CCDC40: variants seen among roughly 807,000 people sequenced by gnomAD.
CCDC40 encodes coiled-coil domain 40 molecular ruler complex subunit, also known as coiled-coil domain-containing protein 40.
In CCDC40, 104 loss-of-function variants were observed where a neutral mutation model predicts 124.5. The ratio of observed to expected loss-of-function variants is 0.84; its 90% CI spans 0.71 to 0.98. CCDC40 has a LOEUF of 0.98. CCDC40 is among the 50% of genes least tolerant of loss of function. The pLI is 0.00. For missense variants in CCDC40, 1,463 were observed against 1,503.9 expected, an observed-to-expected ratio of 0.97 and a Z score of 0.45; for synonymous variants, 580 against 602.9, an observed-to-expected ratio of 0.96 and a Z score of 0.56.
In CCDC40 at chr17:80,050,218, A is replaced by T. The variant is rs1295333820; in HGVS notation, c.1094A>T (p.Glu365Val). ...ASSERRQKEE[E>V]LQAARALYTK... is the part of the protein sequence containing the mutation. ...AGCGAGCGCAGGCAGAAGGAGGAGG[A>T]GCTGCAGGCCGCCCGCGCTCTCTAC... Residue 365 changes from glutamate to valine, a missense_variant, in exon 7 of 20, where the codon GAG (glutamate) becomes GTG (valine). By Grantham distance (121) the Glu-to-Val change is moderately radical (BLOSUM62 -2). Coordinates refer to ENST00000397545, the MANE Select transcript of CCDC40 (RefSeq NM_017950.4). 6.2e-7 allele frequency: 1 copy of T among 1,607,986 alleles called. No homozygotes were observed. Among genetic ancestry groups the T allele is most frequent in the African/African-American group, 1.3e-5 (1 of 74,760 alleles).
Position 80,081,624 on chromosome 17 carries a change from G to T in CCDC40, c.1641G>T (p.Lys547Asn). 1.9e-6 allele frequency: 3 copies of T among 1,614,146 alleles called. No individual in the cohort carries two copies. The African/African-American group carries it at 4.0e-5, about 22-fold the overall frequency. The change falls in exon 11 of 20, where the codon AAG becomes AAT. Residue 547 changes from lysine to asparagine, a missense_variant. Lys to Asn is a moderately conservative substitution (Grantham distance 94). Coordinates refer to ENST00000397545, the MANE Select transcript of CCDC40 (RefSeq NM_017950.4). ...YKKSIMKEEE[K>N]NEKLASILNR... is the part of the protein sequence containing the mutation. Reference sequence around the variant, plus strand: ...AATCCATCATGAAGGAGGAAGAAAAGAACGAGAAGCTGGCGAGCATCCTGA... The same window carrying T: ...AATCCATCATGAAGGAGGAAGAAAATAACGAGAAGCTGGCGAGCATCCTGA...
chr17:80,097,900 AAAAAGAAAAGAAAAGAAAAGAAAAG>A lies in CCDC40; in HGVS notation c.3180+527_3180+551del, dbSNP rs138469377. 867 of 162,770 alleles carry A rather than the reference AAAAAGAAAAGAAAAGAAAAGAAAAG, an allele frequency of 5.3e-3. 9 individuals are homozygous for A. Among genetic ancestry groups the A allele is most frequent in the Admixed American group, 0.026 (405 of 15,484 alleles). 10.1% of individuals were successfully genotyped at this position (162,770 alleles called of 1,614,324 possible). On this transcript the variant is annotated intron_variant, in intron 19 of 19. Transcript: ENST00000397545. ...GGGTGACAGAGGGAGATCCTGTCTC[AAAAAGAAAAGAAAAGAAAAGAAAAG>A]AAAAGAAAAGAAAAGAAAAGAAAAG...
Position 80,052,508 on chromosome 17 carries a change from C to G in CCDC40, c.1159+2225C>G, listed in dbSNP as rs566492937. Among the ~76,000 whole-genome samples the G allele has an allele frequency of 9.2e-5, 14 of 152,322 alleles. No homozygotes were observed. The East Asian group carries it at 2.7e-3, about 29-fold the overall frequency. ...AATGTTAATCTCCTTTGGCAACACC[C>G]TCACAGACACACCCAGGATCAATAC... On this transcript the variant is annotated intron_variant, in intron 7 of 19. Coordinates refer to ENST00000397545, the MANE Select transcript of CCDC40 (RefSeq NM_017950.4).
At chr17:80,061,218 C>T (rs1035674224) in intron 9 of CCDC40, among the ~76,000 whole-genome samples, 5 of 152,146 alleles carry the variant, frequency 3.3e-5, no homozygotes, top group Non-Finnish European at 5.9e-5. Flanking sequence ...TGGTGGTACA[C>T]GCCTGTAATG....
Position 80,087,830 on chromosome 17 carries a change from C to T in CCDC40, c.2619+54C>T, listed in dbSNP as rs945652891. 2.1e-5 allele frequency: 32 copies of T among 1,510,602 alleles called. No homozygotes were observed. Among genetic ancestry groups the T allele is most frequent in the Admixed American group, 1.5e-4 (9 of 59,906 alleles). 93.6% of individuals were successfully genotyped at this position (1,510,602 alleles called of 1,614,324 possible). On this transcript the variant is annotated intron_variant, in intron 15 of 19. Coordinates refer to ENST00000397545, the MANE Select transcript of CCDC40 (RefSeq NM_017950.4). The surrounding 1 kb of genome is among the most constrained non-coding windows in gnomAD (Gnocchi z 4.5). Reference sequence around the variant, plus strand: ...CTCAGGACGATGGAGGGCGGGGGTACGGTCCTTGCGGTGGGCGTTCTGCAC... The same window carrying T: ...CTCAGGACGATGGAGGGCGGGGGTATGGTCCTTGCGGTGGGCGTTCTGCAC...
intron 19 of CCDC40, chr17:80,098,978 C>T (rs967199994): frequency 8.2e-6 from 1 of 121,998 alleles, no homozygotes; most frequent in African/African-American, 3.2e-5. Context: ...GAGACAGCCT[C>T]AAAAAAAAAA....
At chr17:80,061,584 G>A (rs891977711) in intron 9 of CCDC40, among the ~76,000 whole-genome samples, 1 of 152,114 alleles carries the variant, frequency 6.6e-6, no homozygotes, top group Non-Finnish European at 1.5e-5. Context: ...TGCACCTCCC[G>A]CCCTCCCCTC....
In CCDC40 at chr17:80,081,826, C is replaced by T; in HGVS notation, c.1806+37C>T. On this transcript the variant is annotated intron_variant, in intron 11 of 19. Coordinates refer to ENST00000397545, the MANE Select transcript of CCDC40 (RefSeq NM_017950.4). ...CCCGCCCCACAGGTCACACCTGGCG[C>T]ACGGTGGTGCCTCTTCAGGCACGTG... The T allele has an allele frequency of 2.5e-6, 4 of 1,613,930 alleles. No individual in the cohort carries two copies. In the South Asian group the frequency reaches 3.3e-5, roughly 13 times the overall value.
chr17:80,036,751 G>A, intron 1 of CCDC40, 60 bp downstream of exon 1: 2 of 1,429,318 alleles, frequency 1.4e-6, no homozygotes, highest in South Asian at 1.4e-5. Flanking sequence ...TCCGTTCACC[G>A]CTCCAGGTGG....
chr17:80,082,778 C>A (rs1380105474), intron 12 of CCDC40, among the ~76,000 whole-genome samples: 2 of 152,228 alleles, frequency 1.3e-5, no homozygotes, highest in Non-Finnish European at 2.9e-5. Context: ...CCCGGGCCCC[C>A]GCCGAGCCCC....
intron 10 of CCDC40, among the ~76,000 whole-genome samples, chr17:80,068,937 A>T (rs1598516261): frequency 1.3e-5 from 2 of 152,362 alleles, no homozygotes; most frequent in Admixed American, 1.3e-4. Context: ...AGAGGGCGGA[A>T]TGCCTGGGCC....
intron 7 of CCDC40, among the ~76,000 whole-genome samples, chr17:80,051,628 C>CAAAA (rs200887220): frequency 1.1e-5 from 1 of 94,146 alleles, no homozygotes; most frequent in African/African-American, 4.0e-5. Flanking sequence ...GACTCCGTCT[C>CAAAA]AAAAAAAAAA....
intron 10 of CCDC40, among the ~76,000 whole-genome samples, chr17:80,073,875 AG>A (rs55650400): frequency 0.11 from 16,829 of 151,996 alleles, 971 homozygotes; most frequent in Middle Eastern, 0.14. Context: ...TTTGTATGTT[AG>A]TAGAGACAGG....
At chr17:80,045,975 T>C (rs78037598) in intron 3 of CCDC40, among the ~76,000 whole-genome samples, 1,600 of 152,282 alleles carry the variant, frequency 0.011, 14 homozygotes, top group East Asian at 0.058. Flanking sequence ...CCTCCTCATT[T>C]TTCCTGTGTC....
chr17:80,079,880 G>A (rs543760328), intron 10 of CCDC40, among the ~76,000 whole-genome samples: 21 of 151,140 alleles, frequency 1.4e-4, no homozygotes, highest in African/African-American at 2.4e-4. Flanking sequence ...AGCCGAGATC[G>A]CGCCACTGTA....
At chr17:80,062,739 C>T (rs558618406) in intron 9 of CCDC40, among the ~76,000 whole-genome samples, 19 of 152,206 alleles carry the variant, frequency 1.2e-4, no homozygotes, top group South Asian at 8.3e-4. Context: ...GCCACCACAC[C>T]GTGCTAATTT....
intron 3 of CCDC40, among the ~76,000 whole-genome samples, chr17:80,042,395 C>T (rs944537962): frequency 6.6e-6 from 1 of 152,226 alleles, no homozygotes; most frequent in African/African-American, 2.4e-5. Flanking sequence ...GTTGGGATTA[C>T]AGGTGTGAGC....
chr17:80,057,886 AAAG>A (rs1054170222), intron 7 of CCDC40, among the ~76,000 whole-genome samples: 1 of 151,838 alleles, frequency 6.6e-6, no homozygotes, highest in Non-Finnish European at 1.5e-5. Context: ...AAAAAAAAAA[AAAG>A]AAATCCATCT....
chr17:80,097,486 A>AGTCACGGCCTCTCCTGATCAG, intron 19 of CCDC40, 83 bp downstream of exon 19: 2 of 1,462,248 alleles, frequency 1.4e-6, no homozygotes, highest in Non-Finnish European at 9.5e-7. Flanking sequence ...CCTCTGTGCG[A>AGTCACGGCCTCTCCTGATCAG]GTCACGGCCT....
Sources: allele counts gnomAD v4.1 joint callset (sites outside exome capture counted in the v4.1 genomes callset), GRCh38; gene constraint gnomAD v4.1.1; non-coding constraint Gnocchi (gnomAD v3.1); transcripts MANE v1.5; gene names NCBI Gene and HGNC (gene_info 2026-07-23, HGNC 2026-07-21).